Variants in TRAPPC1 observed in about 807,000 individuals in gnomAD.
TRAPPC1 encodes trafficking protein particle complex subunit 1.
In TRAPPC1, 10 loss-of-function variants were observed where a neutral mutation model predicts 17.2. The observed-to-expected ratio is 0.58, with a 90% CI of 0.36 to 0.99. The LOEUF (loss-of-function observed/expected upper bound fraction) is 0.99, where lower values mean the gene tolerates loss of function less well. Ranked by LOEUF, TRAPPC1 falls within the 50% of genes least tolerant of loss-of-function variation. The probability of loss-of-function intolerance (pLI) is 0.01; values close to 1 mark genes in which losing one functional copy is unlikely to be tolerated. For synonymous variants in TRAPPC1, 85 were observed against 74.5 expected, an observed-to-expected ratio of 1.14 and a Z score of -0.72; for missense variants, 163 against 184.4, an observed-to-expected ratio of 0.88 and a Z score of 0.67.
At chr17:7,930,962 TG>T (rs1972456723) in intron 3 of TRAPPC1, 48 bp downstream of exon 3, 1 of 1,603,578 alleles carries the variant, frequency 6.2e-7, no homozygotes, top group Non-Finnish European at 8.5e-7. Flanking sequence ...GAGGGAGTCT[TG>T]GGGTTCTGAA....
chr17:7,930,889 T>C, intron 3 of TRAPPC1, 122 bp downstream of exon 3: 2 of 1,495,226 alleles, frequency 1.3e-6, no homozygotes, highest in Non-Finnish European at 1.8e-6. Context: ...GTTAAGAACC[T>C]AAGGGCCCCT....
chr17:7,931,899 A>G lies in TRAPPC1; in HGVS notation c.-70T>C. On this transcript the variant is annotated 5_prime_UTR_variant, in exon 1 of 4. Transcript: ENST00000303731. The stretch of plus-strand genomic sequence containing the variant: ...TCCTTGGGCTCGGGTTCCCGGACCC[A>G]CAGCCTTCCAACCAGGTGGGGACCC... 7.3e-7 allele frequency: 1 copy of G among 1,365,264 alleles called. No homozygotes were observed. The highest frequency in any genetic ancestry group is 1.0e-6 in the Non-Finnish European group (1 of 953,966). The allele number at this position is 1,365,264 out of a possible 1,614,324, so 84.6% of individuals were successfully genotyped here. A position where few individuals can be genotyped will look rare whatever the true frequency, so the allele number is the denominator to read the frequency against.
chr17:7,931,037 C>G lies in TRAPPC1; in HGVS notation c.283G>C (p.Asp95His). The change falls in exon 3 of 4, where the codon GAT becomes CAT. Residue 95 changes from aspartate (D) to histidine (H), a missense_variant. Physicochemically the swap from Asp to His is moderately conservative, Grantham distance 81. Transcript: ENST00000303731. ...GCACTGTAGATGTGGTGCAGCACAT[C>G]TCGGATGGGTCCCACGCCCAAGTCA... ...NTDLGVGPIR[D>H]VLHHIYSALY... The G allele has an allele frequency of 6.2e-7, 1 of 1,613,952 alleles. No individual in the cohort carries two copies. The highest frequency in any genetic ancestry group is 8.5e-7 in the Non-Finnish European group (1 of 1,179,986).
chr17:7,931,831 T>G lies in TRAPPC1; in HGVS notation c.-2A>C. The G allele has an allele frequency of 1.9e-6, 3 of 1,613,292 alleles. No individual in the cohort carries two copies. Among genetic ancestry groups the G allele is most frequent in the Non-Finnish European group, 2.5e-6 (3 of 1,179,208 alleles). Reference sequence around the variant, plus strand: ...CAGGTACAGGTTGTGGACAGTCATCTGCAGGGCAGGGAGTGTGAGCCTCGC... The same window carrying G: ...CAGGTACAGGTTGTGGACAGTCATCGGCAGGGCAGGGAGTGTGAGCCTCGC... On this transcript the variant is annotated 5_prime_UTR_variant, in exon 1 of 4. Transcript: ENST00000303731.
In TRAPPC1 at chr17:7,931,883, T is replaced by C. The variant is rs1183447524; in HGVS notation, c.-54A>G. ...CCGGGGCCGCCCCCACTCCTTGGGC[T>C]CGGGTTCCCGGACCCACAGCCTTCC... is the stretch of plus-strand genomic sequence containing the variant. On this transcript the variant is annotated 5_prime_UTR_variant, in exon 1 of 4. Transcript: ENST00000303731. 2.6e-6 allele frequency: 4 copies of C among 1,516,516 alleles called. No individual in the cohort carries two copies. The highest frequency in any genetic ancestry group is 3.7e-6 in the Non-Finnish European group (4 of 1,091,266). The allele number at this position is 1,516,516 out of a possible 1,614,324, so 93.9% of individuals were successfully genotyped here.
At chr17:7,930,771 T>C (rs979135806) in intron 3 of TRAPPC1, 37 bp from the exon 4 acceptor site, 1 of 1,606,588 alleles carries the variant, frequency 6.2e-7, no homozygotes, top group Middle Eastern at 1.7e-4. Flanking sequence ...AGGCTTTGGA[T>C]ACTTCTGGTT....
chr17:7,930,383 A>G lies in TRAPPC1; in HGVS notation c.*223T>C. The G allele has an allele frequency of 1.8e-6, 1 of 566,942 alleles. No individual in the cohort carries two copies. The highest frequency in any genetic ancestry group is 3.1e-6 in the Non-Finnish European group (1 of 319,516). 35.1% of individuals were successfully genotyped at this position (566,942 alleles called of 1,614,324 possible). ...AAAAAGTTTATTCTGTGCTTCTCGC[A>G]GCATTAGGCAGGGGATAAAACTGGA... On this transcript the variant is annotated 3_prime_UTR_variant, in exon 4 of 4. Transcript: ENST00000303731.
chr17:7,931,219 C>A, intron 2 of TRAPPC1, 70 bp from the exon 3 acceptor site: 1 of 1,540,452 alleles, frequency 6.5e-7, no homozygotes, highest in Non-Finnish European at 8.8e-7. Flanking sequence ...CTGATCCCCG[C>A]AAACATCGAC....
intron 2 of TRAPPC1, 80 bp from the exon 3 acceptor site, chr17:7,931,229 C>T: frequency 1.3e-6 from 2 of 1,509,456 alleles, no homozygotes; most frequent in Non-Finnish European, 9.0e-7. Context: ...CAAACATCGA[C>T]TCCCTCTTTA....
At chr17:7,931,471 G>C (rs778134694) in intron 2 of TRAPPC1, 35 bp downstream of exon 2, 19 of 1,604,448 alleles carry the variant, frequency 1.2e-5, no homozygotes, top group Non-Finnish European at 1.5e-5. Context: ...CCCAAGGCTA[G>C]CCCTCCTCCC....
Position 7,931,850 on chromosome 17 carries a change from G to A in TRAPPC1, c.-21C>T, listed in dbSNP as rs925755850. 1.2e-6 allele frequency: 2 copies of A among 1,603,226 alleles called. No individual in the cohort carries two copies. The highest frequency in any genetic ancestry group is 2.7e-5 in the African/African-American group (2 of 74,724). ...GTCATCTGCAGGGCAGGGAGTGTGAGCCTCGCTCCGGGGCCGCCCCCACTC... is the reference window on the plus strand; with the variant it reads ...GTCATCTGCAGGGCAGGGAGTGTGAACCTCGCTCCGGGGCCGCCCCCACTC... On this transcript the variant is annotated 5_prime_UTR_variant, in exon 1 of 4. Transcript: ENST00000303731.
Position 7,930,571 on chromosome 17 carries a change from G to T in TRAPPC1, c.*35C>A. 1 of 1,613,458 alleles carries T rather than the reference G, an allele frequency of 6.2e-7. No individual in the cohort carries two copies. Among genetic ancestry groups the T allele is most frequent in the South Asian group, 1.1e-5 (1 of 91,028 alleles). ...CACAGGTTCGGAAGGGCCCCAGGCA[G>T]ACATGAATTCTCCTGAGACTTGAGG... On this transcript the variant is annotated 3_prime_UTR_variant, in exon 4 of 4. Transcript: ENST00000303731.
rs763940165 is a variant in TRAPPC1 at position 7,931,501 on chromosome 17, C to A, written c.170+5G>T. 2 of 1,613,692 alleles carry A rather than the reference C, an allele frequency of 1.2e-6. No individual in the cohort carries two copies. Among genetic ancestry groups the A allele is most frequent in the Non-Finnish European group, 8.5e-7 (1 of 1,179,652 alleles). On this transcript the variant is annotated splice_donor_5th_base_variant and intron_variant, in intron 2 of 3. Transcript: ENST00000303731. ...CCTCCCAACATCTTCTCTGACTCCG[C>A]GTACATGTCTAGCGGGGACATCTTG... is the stretch of plus-strand genomic sequence containing the variant.
At chr17:7,930,827 A>C in intron 3 of TRAPPC1, 93 bp from the exon 4 acceptor site, 1 of 1,544,864 alleles carries the variant, frequency 6.5e-7, no homozygotes, top group South Asian at 1.2e-5. Flanking sequence ...TGAATGCACA[A>C]GGAATAAGGG....
Position 7,930,636 on chromosome 17 carries a change from A to G in TRAPPC1, c.408T>C (p.Ser136=). 9 of 1,614,194 alleles carry G rather than the reference A, an allele frequency of 5.6e-6. No individual in the cohort carries two copies. The highest frequency in any genetic ancestry group is 7.6e-6 in the Non-Finnish European group (9 of 1,180,024). Residue 136 remains serine, a synonymous_variant, in exon 4 of 4, where the codon TCT becomes TCC. Coordinates refer to ENST00000303731, the MANE Select transcript of TRAPPC1 (RefSeq NM_021210.5). ...CAGCCCGGGCGGAGAAGAAGGGCAG[A>G]GAGCGAACATAGGAGTCCAGTCGGG... ...FRSRLDSYVR[S]LPFFSARAG is the part of the protein sequence containing the mutation.
chr17:7,931,241 C>T, intron 2 of TRAPPC1, 92 bp from the exon 3 acceptor site: 1 of 1,450,372 alleles, frequency 6.9e-7, no homozygotes, highest in Non-Finnish European at 9.3e-7. Context: ...CCCTCTTTAT[C>T]TAAACATATC....
rs746434710 is a variant in TRAPPC1 at position 7,931,920 on chromosome 17, G to T, written c.-91C>A. The stretch of plus-strand genomic sequence containing the variant: ...ACCCACAGCCTTCCAACCAGGTGGG[G>T]ACCCCACCCACGGACTCACCGGAAC... On this transcript the variant is annotated 5_prime_UTR_variant, in exon 1 of 4. Coordinates refer to ENST00000303731, the MANE Select transcript of TRAPPC1 (RefSeq NM_021210.5). 4 of 1,126,422 alleles carry T rather than the reference G, an allele frequency of 3.6e-6. No homozygotes were observed. The highest frequency in any genetic ancestry group is 5.4e-6 in the Non-Finnish European group (4 of 738,688). The allele number at this position is 1,126,422 out of a possible 1,614,324, so 69.8% of individuals were successfully genotyped here.
chr17:7,930,870 G>T (rs931365021), intron 3 of TRAPPC1, 136 bp from the exon 4 acceptor site: 24 of 1,484,106 alleles, frequency 1.6e-5, no homozygotes, highest in Non-Finnish European at 2.1e-5. Flanking sequence ...GGAGAAAGTG[G>T]TGGTGGGAGT....
At chr17:7,930,977 C>T in intron 3 of TRAPPC1, 34 bp downstream of exon 3, 2 of 1,611,060 alleles carry the variant, frequency 1.2e-6, no homozygotes, top group Non-Finnish European at 1.7e-6. Flanking sequence ...TTCTGAAGAG[C>T]TCTGGGGGAT....
Sources: gnomAD v4.1 joint callset for allele counts on GRCh38, gnomAD v4.1.1 for gene constraint, MANE v1.5 for transcripts, NCBI Gene and HGNC (gene_info 2026-07-23, HGNC 2026-07-21) for gene names.